USP33: variants seen among roughly 807,000 people sequenced by gnomAD.
USP33 encodes the protein ubiquitin specific peptidase 33, also known as ubiquitin carboxyl-terminal hydrolase 33.
Under a neutral mutation model 124.2 loss-of-function variants are expected in USP33, and 46 were observed. The observed-to-expected ratio is 0.37, with a 90% CI of 0.29 to 0.47. The LOEUF (loss-of-function observed/expected upper bound fraction) is 0.47, where lower values mean the gene tolerates loss of function less well. Ranked by LOEUF, USP33 falls within the 20% of genes least tolerant of loss-of-function variation. The pLI is 0.99. For synonymous variants in USP33, 350 were observed against 352.3 expected (o/e 0.99, Z 0.07); for missense variants, 851 against 1,070.6 (o/e 0.79, Z 2.86).
At chr1:77,701,666 T>C in intron 21 of USP33, 195 bp from the exon 22 acceptor site, 2 of 447,502 alleles carry the variant, frequency 4.5e-6, no homozygotes, top group Non-Finnish European at 7.7e-6. Context: ...CATTATTTTT[T>C]ATTTTTATTT....
chr1:77,712,794 G>A (rs1675417083), intron 20 of USP33, among the ~76,000 whole-genome samples: 1 of 152,016 alleles, frequency 6.6e-6, no homozygotes. Context: ...GGAGGTCGAC[G>A]CTGCAGTAAG....
At chr1:77,709,912 C>T (rs937050310) in intron 21 of USP33, among the ~76,000 whole-genome samples, 3 of 150,896 alleles carry the variant, frequency 2.0e-5, no homozygotes, top group Non-Finnish European at 3.0e-5. Flanking sequence ...CACACACACA[C>T]GTCCATATTT....
intron 1 of USP33, among the ~76,000 whole-genome samples, chr1:77,750,672 G>T (rs944141124): frequency 6.8e-6 from 1 of 147,698 alleles, no homozygotes; most frequent in Non-Finnish European, 1.5e-5. Flanking sequence ...AAGAAAGAAA[G>T]AAAGAAAGAA....
At chr1:77,728,792 T>C in intron 9 of USP33, 80 bp from the exon 10 acceptor site, 3 of 1,437,214 alleles carry the variant, frequency 2.1e-6, no homozygotes, top group East Asian at 2.3e-5. Context: ...CAAAATGTCA[T>C]TACAAACTTA....
chr1:77,704,293 A>C (rs963234037), intron 21 of USP33, among the ~76,000 whole-genome samples: 4 of 152,168 alleles, frequency 2.6e-5, no homozygotes, highest in African/African-American at 9.7e-5. Flanking sequence ...CATGGAATTA[A>C]AGTTCGGGCT....
In USP33 at chr1:77,715,618, G is replaced by A. The variant is rs1675792895; in HGVS notation, c.2045+124C>T. Reference sequence around the variant, plus strand: ...ATACAGCCTTTCACTGTATTTTACTGTAATGAAATAGGAGGAAAACAATTC... The same window carrying A: ...ATACAGCCTTTCACTGTATTTTACTATAATGAAATAGGAGGAAAACAATTC... On this transcript the variant is annotated intron_variant, in intron 18 of 23. Coordinates refer to ENST00000370794, the MANE Select transcript of USP33 (RefSeq NM_201624.3). The A allele has an allele frequency of 2.6e-6, 3 of 1,135,690 alleles. No individual in the cohort carries two copies. The Admixed American group carries it at 7.7e-5, about 29-fold the overall frequency. 70.4% of individuals were successfully genotyped at this position (1,135,690 alleles called of 1,614,324 possible). A position where few individuals can be genotyped will look rare whatever the true frequency, so the allele number is the denominator to read the frequency against.
chr1:77,736,860 G>A (rs776566533), intron 5 of USP33, among the ~76,000 whole-genome samples: 15 of 151,864 alleles, frequency 9.9e-5, no homozygotes, highest in East Asian at 7.7e-4. Flanking sequence ...CGCCCACCTC[G>A]GCCTCCCAAA....
intron 1 of USP33, among the ~76,000 whole-genome samples, chr1:77,758,255 A>C (rs1680991828): frequency 7.4e-6 from 1 of 134,556 alleles, no homozygotes; most frequent in Non-Finnish European, 1.5e-5. Context: ...ATCTCGGCTC[A>C]TTGCAAGCTC....
intron 17 of USP33, among the ~76,000 whole-genome samples, chr1:77,716,574 G>A (rs558865310): frequency 2.0e-5 from 3 of 152,202 alleles, no homozygotes; most frequent in Non-Finnish European, 4.4e-5. Flanking sequence ...CACCACTAGA[G>A]GGTAATTGAT....
chr1:77,741,244 A>T, intron 3 of USP33, 132 bp downstream of exon 3: 2 of 857,218 alleles, frequency 2.3e-6, no homozygotes, highest in Non-Finnish European at 3.5e-6. Context: ...TTTTGTTATT[A>T]ATAATGACCT....
chr1:77,719,575 A>T (rs563463668), intron 15 of USP33, among the ~76,000 whole-genome samples: 8 of 152,196 alleles, frequency 5.3e-5, no homozygotes, highest in African/African-American at 1.9e-4. Context: ...ACTCTTGGCC[A>T]GGCACCGTGG....
intron 15 of USP33, among the ~76,000 whole-genome samples, chr1:77,720,822 G>A (rs896585816): frequency 6.6e-6 from 1 of 152,106 alleles, no homozygotes; most frequent in African/African-American, 2.4e-5. Context: ...TAACCTTTAG[G>A]AATTTTATGT....
At chr1:77,755,695 C>CA (rs1680744732) in intron 1 of USP33, among the ~76,000 whole-genome samples, 1 of 152,054 alleles carries the variant, frequency 6.6e-6, no homozygotes. Flanking sequence ...GACCCTTTCA[C>CA]AAAAAAGTAA....
chr1:77,725,905 T>C, intron 10 of USP33, 143 bp from the exon 11 acceptor site: 3 of 827,104 alleles, frequency 3.6e-6, no homozygotes, highest in East Asian at 2.9e-5. Context: ...AAGTGCTTAC[T>C]AAGCAAAATA....
intron 7 of USP33, among the ~76,000 whole-genome samples, chr1:77,732,840 CTA>C (rs1557851065): frequency 1.4e-5 from 2 of 138,686 alleles, no homozygotes; most frequent in Non-Finnish European, 3.0e-5. Context: ...GTCACCTGGG[CTA>C]GAGTGCAATG....
intron 15 of USP33, among the ~76,000 whole-genome samples, chr1:77,719,320 C>T (rs1676290493): frequency 6.6e-6 from 1 of 151,972 alleles, no homozygotes; most frequent in Non-Finnish European, 1.5e-5. Flanking sequence ...TATCGTGCCA[C>T]TGCACTCCAG....
chr1:77,734,516 G>A (rs998104248), intron 6 of USP33, 100 bp from the exon 7 acceptor site: 9 of 701,136 alleles, frequency 1.3e-5, no homozygotes, highest in Admixed American at 3.2e-5. Context: ...TAAGGACCAC[G>A]GAAATACAAT....
chr1:77,722,430 A>G, intron 12 of USP33: 1 of 378,192 alleles, frequency 2.6e-6, no homozygotes, highest in Non-Finnish European at 4.8e-6. Flanking sequence ...AGTCCTGTGC[A>G]GTAGTATTAG....
intron 22 of USP33, 49 bp from the exon 23 acceptor site, chr1:77,697,980 A>T (rs200980904): frequency 6.5e-7 from 1 of 1,530,836 alleles, no homozygotes; most frequent in Non-Finnish European, 8.9e-7. Flanking sequence ...TGTAACAAAA[A>T]ATTGCATAAT....
Sources: gnomAD v4.1 joint callset for allele counts (sites outside exome capture counted in the v4.1 genomes callset) on GRCh38, gnomAD v4.1.1 for gene constraint, MANE v1.5 for transcripts, NCBI Gene and HGNC (gene_info 2026-07-23, HGNC 2026-07-21) for gene names.